SLC34A2: variants seen among roughly 807,000 people sequenced by gnomAD.
The protein encoded by SLC34A2 is sodium-dependent phosphate transport protein 2B.
Under a neutral mutation model 50.8 loss-of-function variants are expected in SLC34A2, and 41 were observed. The ratio of observed to expected loss-of-function variants is 0.81; its 90% CI spans 0.63 to 1.05. The LOEUF (loss-of-function observed/expected upper bound fraction) is 1.05, where lower values mean the gene tolerates loss of function less well. Among genes scored for constraint, SLC34A2 ranks in the 50% least tolerant of loss-of-function variants. The probability of loss-of-function intolerance (pLI) is 0.00; values close to 1 mark genes in which losing one functional copy is unlikely to be tolerated. For synonymous variants in SLC34A2, 401 were observed against 364.2 expected, an observed-to-expected ratio of 1.10 and a Z score of -1.15; for missense variants, 879 against 876.7, an observed-to-expected ratio of 1.00 and a Z score of -0.03.
Position 25,657,331 on chromosome 4 carries a change from C to A in SLC34A2, c.-4+1441C>A, listed in dbSNP as rs181621921. Among the ~76,000 whole-genome samples the A allele has an allele frequency of 2.0e-4, 30 of 152,304 alleles. No individual in the cohort carries two copies. In the East Asian group the frequency reaches 5.6e-3, roughly 28 times the overall value. ...AGTAACCAGTTTCAGGCATCTTCCACTCCTCCATCCTCACCCACACCCCCA... is the reference window on the plus strand; with the variant it reads ...AGTAACCAGTTTCAGGCATCTTCCAATCCTCCATCCTCACCCACACCCCCA... On this transcript the variant is annotated intron_variant, in intron 1 of 12. Transcript: ENST00000382051.
rs923236146 is a variant in SLC34A2 at position 25,669,510 on chromosome 4, AATGAG to A, written c.636-134_636-130del. 3 of 826,832 alleles carry A rather than the reference AATGAG, an allele frequency of 3.6e-6. No homozygotes were observed. In the African/African-American group the frequency reaches 5.0e-5, roughly 14 times the overall value. 51.2% of individuals were successfully genotyped at this position (826,832 alleles called of 1,614,324 possible). ...TTGGGGATCGATATGAGAGAACAAA[AATGAG>A]ATTGTGTACATGTGCACACTTCCAT... On this transcript the variant is annotated intron_variant, in intron 6 of 12. Transcript: ENST00000382051.
At position 25,670,774 on chromosome 4, in the gene SLC34A2, G is replaced by A. The variant is rs769981964; in HGVS notation, c.868G>A (p.Asp290Asn). 37 of 1,613,968 alleles carry A rather than the reference G, an allele frequency of 2.3e-5. 2 individuals are homozygous for A. The Middle Eastern group carries it at 2.8e-3, about 122-fold the overall frequency. ...KKVISQIAMN[D>N]EKAKNKSLVK... ...AGTTATCAGCCAAATTGCAATGAAC[G>A]ATGAAAAAGCGAAAAACAAGAGTCT... Residue 290 changes from aspartate (D) to asparagine (N), a missense_variant, in exon 8 of 13, where the codon GAT becomes AAT. By Grantham distance (23) the Asp-to-Asn change is conservative. Coordinates refer to ENST00000382051, the MANE Select transcript of SLC34A2 (RefSeq NM_006424.3).
At chr4:25,664,532 C>T (rs2109050488) in intron 4 of SLC34A2, among the ~76,000 whole-genome samples, 1 of 152,336 alleles carries the variant, frequency 6.6e-6, no homozygotes, top group South Asian at 2.1e-4. Flanking sequence ...TATGACTTGG[C>T]CCAGGTGGCT....
At chr4:25,671,531 AC>A (rs974530287) in intron 8 of SLC34A2, 69 bp from the exon 9 acceptor site, 196 of 1,600,492 alleles carry the variant, frequency 1.2e-4, no homozygotes, top group Non-Finnish European at 1.5e-4. Context: ...GTTCATTCCC[AC>A]CCCCGCCATT....
At chr4:25,668,572 G>T (rs989601094) in intron 6 of SLC34A2, among the ~76,000 whole-genome samples, 1 of 151,932 alleles carries the variant, frequency 6.6e-6, no homozygotes, top group Non-Finnish European at 1.5e-5. Flanking sequence ...AACCCGGGAG[G>T]CGGAGGTTGC....
At chr4:25,661,880 T>C (rs995526525) in intron 1 of SLC34A2, among the ~76,000 whole-genome samples, 4 of 151,850 alleles carry the variant, frequency 2.6e-5, no homozygotes, top group East Asian at 1.9e-4. Flanking sequence ...TTTTCTTTTT[T>C]TTTTTTTTTG....
chr4:25,676,701 G>T lies in SLC34A2; in HGVS notation c.2025G>T (p.Gln675His). ...FDNITISREAQGEVPASDSKT... is the reference protein window; with the variant it reads ...FDNITISREAHGEVPASDSKT... ...ACATAACCATTAGCAGAGAGGCTCAGGGTGAGGTCCCTGCCTCGGACTCAA... is the reference window on the plus strand; with the variant it reads ...ACATAACCATTAGCAGAGAGGCTCATGGTGAGGTCCCTGCCTCGGACTCAA... The change falls in exon 13 of 13, where the codon CAG becomes CAT. Residue 675 changes from glutamine to histidine, a missense_variant. Transcript: ENST00000382051. 6.2e-7 allele frequency: 1 copy of T among 1,614,184 alleles called. No individual in the cohort carries two copies. Among genetic ancestry groups the T allele is most frequent in the African/African-American group, 1.3e-5 (1 of 75,058 alleles).
At chr4:25,669,911 CAGATAT>C in intron 7 of SLC34A2, 69 bp downstream of exon 7, 1 of 1,335,592 alleles carries the variant, frequency 7.5e-7, no homozygotes, top group Non-Finnish European at 1.1e-6. Context: ...CCTGAGCTGA[CAGATAT>C]AGAGTGTCTA....
Position 25,667,931 on chromosome 4 carries a change from C to T in SLC34A2, c.575C>T (p.Thr192Met), listed in dbSNP as rs747996136. The change falls in exon 6 of 13, where the codon ACG becomes ATG. Residue 192 changes from threonine (T) to methionine (M), a missense_variant. Transcript: ENST00000382051. ...ATTATCATGGGGGCCAACATTGGAA[C>T]GTCAATCACCAACACTATTGTTGCG... ...IPIIMGANIGTSITNTIVALM... is the reference protein window; with the variant it reads ...IPIIMGANIGMSITNTIVALM... 9.3e-6 allele frequency: 15 copies of T among 1,613,872 alleles called. No homozygotes were observed. Among genetic ancestry groups the T allele is most frequent in the Admixed American group, 8.3e-5 (5 of 60,002 alleles).
intron 2 of SLC34A2, 36 bp downstream of exon 2, chr4:25,662,648 G>GT: frequency 6.2e-7 from 1 of 1,614,048 alleles, no homozygotes; most frequent in Admixed American, 1.7e-5. Flanking sequence ...ATCGGCCTTT[G>GT]TGAGGACCCC....
In SLC34A2 at chr4:25,662,502, TG is replaced by T. The variant is rs1302043177; in HGVS notation, c.4del (p.Ala2?). The T allele has an allele frequency of 6.2e-7, 1 of 1,613,794 alleles. No homozygotes were observed. Among genetic ancestry groups the T allele is most frequent in the East Asian group, 2.2e-5 (1 of 44,862 alleles). ...AAGCTGTTTTCTCATCCACAGACCA[TG>T]GCTCCCTGGCCTGAATTGGGAGATG... [M>X]APWPELGDAQ... On this transcript the variant is annotated frameshift_variant and start_lost, in exon 2 of 13. Coordinates refer to ENST00000382051, the MANE Select transcript of SLC34A2 (RefSeq NM_006424.3). LOFTEE classifies it high-confidence loss of function.
At chr4:25,675,613 C>A (rs1475468409) in intron 12 of SLC34A2, among the ~76,000 whole-genome samples, 1 of 152,186 alleles carries the variant, frequency 6.6e-6, no homozygotes, top group Admixed American at 6.5e-5. Context: ...TTGATCTAAA[C>A]CATTATCACT....
intron 8 of SLC34A2, 128 bp downstream of exon 8, chr4:25,670,961 C>G: frequency 1.3e-6 from 1 of 767,004 alleles, no homozygotes; most frequent in South Asian, 1.5e-5. Context: ...CCTGAAAAAT[C>G]AAAAGTGACC....
At position 25,671,663 on chromosome 4, in the gene SLC34A2, G is replaced by A. The variant is rs201127426; in HGVS notation, c.990G>A (p.Thr330=). 303 of 1,614,174 alleles carry A rather than the reference G, an allele frequency of 1.9e-4. No individual in the cohort carries two copies. The highest frequency in any genetic ancestry group is 2.4e-4 in the Non-Finnish European group (278 of 1,180,032). The part of the protein sequence containing the change: ...ANCTSPSLCW[T]DGIQNWTMKN... ...GCACCTCCCCTTCCCTCTGTTGGAC[G>A]GATGGCATCCAAAACTGGACCATGA... is the stretch of plus-strand genomic sequence containing the variant. The change falls in exon 9 of 13, where the codon ACG becomes ACA. Residue 330 remains threonine (T), a synonymous_variant. Coordinates refer to ENST00000382051, the MANE Select transcript of SLC34A2 (RefSeq NM_006424.3).
At position 25,674,588 on chromosome 4, in the gene SLC34A2, G is replaced by A. The variant is rs377112763; in HGVS notation, c.1417G>A (p.Ala473Thr). The change falls in exon 12 of 13, where the codon GCC becomes ACC. Residue 473 changes from alanine to threonine, a missense_variant. Coordinates refer to ENST00000382051, the MANE Select transcript of SLC34A2 (RefSeq NM_006424.3). ...IGTTTTAILAALASPGNALRS... is the reference protein window; with the variant it reads ...IGTTTTAILATLASPGNALRS... The stretch of plus-strand genomic sequence containing the variant: ...CACCACCACCACCGCCATCCTGGCC[G>A]CCTTAGCCAGCCCTGGCAATGCATT... 177 of 1,614,098 alleles carry A rather than the reference G, an allele frequency of 1.1e-4. No individual in the cohort carries two copies. The highest frequency in any genetic ancestry group is 1.4e-4 in the Non-Finnish European group (168 of 1,180,034).
At chr4:25,669,864 G>C in intron 7 of SLC34A2, 22 bp downstream of exon 7, 3 of 1,596,778 alleles carry the variant, frequency 1.9e-6, no homozygotes, top group South Asian at 1.1e-5. Flanking sequence ...CCTTCAGAGA[G>C]AGAAGGAGAC....
Position 25,677,775 on chromosome 4 carries a change from G to A in SLC34A2, c.*1026G>A, listed in dbSNP as rs1715224844. 2.0e-5 allele frequency: 3 copies of A among 152,156 alleles called. 1 individual carries two copies. Among genetic ancestry groups the A allele is most frequent in the African/African-American group, 7.2e-5 (3 of 41,420 alleles). 9.4% of individuals were successfully genotyped at this position (152,156 alleles called of 1,614,324 possible). ...CCCTCTCTGCCTCCTTACTTTCTGT[G>A]CAAGATGACTTCCTGGGTTAACTTC... On this transcript the variant is annotated 3_prime_UTR_variant, in exon 13 of 13. Transcript: ENST00000382051.
chr4:25,660,717 G>A (rs1714134634), intron 1 of SLC34A2, among the ~76,000 whole-genome samples: 1 of 152,102 alleles, frequency 6.6e-6, no homozygotes, highest in Non-Finnish European at 1.5e-5. Flanking sequence ...GGCTAATTTT[G>A]TATTTTTAGT....
intron 12 of SLC34A2, among the ~76,000 whole-genome samples, chr4:25,675,398 G>A (rs1715058885): frequency 1.3e-5 from 2 of 152,118 alleles, no homozygotes; most frequent in South Asian, 2.1e-4. Flanking sequence ...TAACCTGAGC[G>A]TCAATTCCCT....
Sources: allele counts gnomAD v4.1 joint callset (sites outside exome capture counted in the v4.1 genomes callset), GRCh38; gene constraint gnomAD v4.1.1; transcripts MANE v1.5; gene names NCBI Gene and HGNC (gene_info 2026-07-23, HGNC 2026-07-21).